Variants in IGFL2 observed in about 807,000 individuals in gnomAD.
IGFL2 encodes insulin growth factor-like family member 2.
IGFL2 carries 7 observed loss-of-function variants against 13.9 expected under a neutral mutation model. The observed-to-expected ratio is 0.51, with a 90% CI of 0.29 to 0.95. The LOEUF (loss-of-function observed/expected upper bound fraction) is 0.95. Ranked by LOEUF, IGFL2 falls within the 40% of genes least tolerant of loss-of-function variation. The probability of loss-of-function intolerance (pLI) is 0.08; values close to 1 mark genes in which losing one functional copy is unlikely to be tolerated. For synonymous variants in IGFL2, 55 were observed against 55.8 expected (o/e 0.99, Z 0.07); for missense variants, 138 against 147.8 (o/e 0.93, Z 0.34).
At chr19:46,133,843 T>C in the IGFL2 span, among the ~76,000 whole-genome samples, 64,532 of 152,016 alleles carry the variant, frequency 0.42, 15,925 homozygotes, top group Non-Finnish European at 0.57. Context: ...TCTTGGGTTC[T>C]TGGGCTCTCA....
At chr19:46,138,079 C>T in the IGFL2 span, among the ~76,000 whole-genome samples, 4 of 152,244 alleles carry the variant, frequency 2.6e-5, no homozygotes, top group South Asian at 4.1e-4. Context: ...AGTCATTTGG[C>T]GGTGAGAAGA....
chr19:46,209,944 C>G, the IGFL2 span: 1 of 151,536 alleles, frequency 6.6e-6, no homozygotes, highest in African/African-American at 2.4e-5. Context: ...AAAACACACA[C>G]ATACACATGA....
the IGFL2 span, among the ~76,000 whole-genome samples, chr19:46,103,448 T>C: frequency 6.6e-6 from 1 of 151,994 alleles, no homozygotes; most frequent in East Asian, 1.9e-4. Context: ...AGAGTGAGTG[T>C]AAAAGTAAAG....
chr19:46,198,670 A>G, the IGFL2 span, among the ~76,000 whole-genome samples: 2 of 152,228 alleles, frequency 1.3e-5, no homozygotes, highest in African/African-American at 4.8e-5. Context: ...GACACCATCC[A>G]GTCTTTGGTC....
upstream of IGFL2, among the ~76,000 whole-genome samples, chr19:46,146,563 A>G (rs1373202641): frequency 6.6e-6 from 1 of 152,178 alleles, no homozygotes; most frequent in Non-Finnish European, 1.5e-5. Flanking sequence ...CATCTTACCT[A>G]AATTACAGAT....
chr19:46,161,438 A>C (rs2146893493), downstream of IGFL2: 1 of 217,992 alleles, frequency 4.6e-6, no homozygotes, highest in South Asian at 1.3e-4. Context: ...TTTTAAGTAC[A>C]CTATTATTGT....
At chr19:46,109,140 C>G in the IGFL2 span, among the ~76,000 whole-genome samples, 209 of 152,196 alleles carry the variant, frequency 1.4e-3, no homozygotes, top group Middle Eastern at 3.4e-3. Flanking sequence ...AGCAATAAAG[C>G]TTTTTAATCA....
chr19:46,086,721 A>G, the IGFL2 span, among the ~76,000 whole-genome samples: 8 of 152,148 alleles, frequency 5.3e-5, no homozygotes, highest in Non-Finnish European at 7.3e-5. Flanking sequence ...TCTTACGTTG[A>G]TATCTGCACA....
chr19:46,200,794 T>C, the IGFL2 span: 1 of 152,222 alleles, frequency 6.6e-6, no homozygotes, highest in Non-Finnish European at 1.5e-5. Context: ...GTGCTGAGAT[T>C]ACAGGCAGGA....
At chr19:46,145,298 TTCTC>T (rs34435727), upstream of IGFL2, among the ~76,000 whole-genome samples, 3 of 151,532 alleles carry the variant, frequency 2.0e-5, no homozygotes, top group African/African-American at 4.8e-5. Context: ...ATTGTCGATA[TTCTC>T]TCTCTCTCTC....
the IGFL2 span, chr19:46,206,651 T>A: frequency 6.6e-6 from 1 of 152,240 alleles, no homozygotes; most frequent in African/African-American, 2.4e-5. Context: ...GAAAGTTTAA[T>A]TGAACACTGA....
At chr19:46,199,066 G>C in the IGFL2 span, among the ~76,000 whole-genome samples, 1 of 152,144 alleles carries the variant, frequency 6.6e-6, no homozygotes, top group Non-Finnish European at 1.5e-5. Context: ...TCTCATCCAG[G>C]GATATCTGTG....
upstream of IGFL2, among the ~76,000 whole-genome samples, chr19:46,144,195 G>A (rs1972998461): frequency 6.6e-6 from 1 of 152,196 alleles, no homozygotes; most frequent in South Asian, 2.1e-4. Flanking sequence ...AGTGAATATG[G>A]CTGTGTTCCA....
chr19:46,115,899 G>A, the IGFL2 span, among the ~76,000 whole-genome samples: 352 of 152,170 alleles, frequency 2.3e-3, 2 homozygotes, highest in African/African-American at 8.0e-3. Flanking sequence ...CCCCAGTTCT[G>A]CCCATCTCAG....
the IGFL2 span, among the ~76,000 whole-genome samples, chr19:46,085,341 A>G: frequency 6.6e-6 from 1 of 152,232 alleles, no homozygotes; most frequent in African/African-American, 2.4e-5. Context: ...TGTGTATTTC[A>G]TATAGTTAAG....
At chr19:46,149,083 A>G in intron 1 of IGFL2, 1 of 1,493,254 alleles carries the variant, frequency 6.7e-7, no homozygotes, top group Non-Finnish European at 9.2e-7. Flanking sequence ...TGTTGTGTGT[A>G]TTCCATCAAG....
chr19:46,160,742 C>A lies in IGFL2; in HGVS notation c.202C>A (p.Pro68Thr). 6.2e-7 allele frequency: 1 copy of A among 1,614,016 alleles called. No homozygotes were observed. The highest frequency in any genetic ancestry group is 8.5e-7 in the Non-Finnish European group (1 of 1,179,978). Reference protein sequence around the residue: ...VSLSETRQCGPPCTFWPCFEL... With the variant: ...VSLSETRQCGTPCTFWPCFEL... ...CCTGAGCGAGACCCGCCAATGTGGT[C>A]CCCCCTGCACCTTCTGGCCCTGCTT... The change falls in exon 3 of 4, where the codon CCC (proline) becomes ACC (threonine). Residue 68 changes from proline to threonine, a missense_variant. Pro to Thr is a conservative substitution (Grantham distance 38, BLOSUM62 -1). Transcript: ENST00000377693.
At chr19:46,213,370 C>G in the IGFL2 span, 4 of 152,812 alleles carry the variant, frequency 2.6e-5, no homozygotes, top group African/African-American at 9.6e-5. Context: ...CATGCCGTGA[C>G]ATCACCAGCT....
At chr19:46,104,716 AGT>A in the IGFL2 span, among the ~76,000 whole-genome samples, 1 of 152,148 alleles carries the variant, frequency 6.6e-6, no homozygotes, top group Non-Finnish European at 1.5e-5. Context: ...ATCCCTGAGT[AGT>A]AGTAGAATAG....
Sources: gnomAD v4.1 joint callset for allele counts (sites outside exome capture counted in the v4.1 genomes callset) on GRCh38, gnomAD v4.1.1 for gene constraint, MANE v1.5 for transcripts, NCBI Gene and HGNC (gene_info 2026-07-23, HGNC 2026-07-21) for gene names.